The following PCDHGA8 variants were observed in gnomAD, a reference collection of about 807,000 sequenced individuals.
The protein encoded by PCDHGA8 is protocadherin gamma-A8.
In PCDHGA8, 45 loss-of-function variants were observed where a neutral mutation model predicts 59.2. The observed-to-expected ratio is 0.76, with a 90% confidence interval of 0.60 to 0.98. The LOEUF (loss-of-function observed/expected upper bound fraction) is 0.98. PCDHGA8 is among the 50% of genes least tolerant of loss of function. The probability of loss-of-function intolerance (pLI) is 0.00; values close to 1 mark genes in which losing one functional copy is unlikely to be tolerated. For synonymous variants in PCDHGA8, 531 were observed against 519.0 expected, an observed-to-expected ratio of 1.02 and a Z score of -0.32; for missense variants, 1,257 against 1,196.2, an observed-to-expected ratio of 1.05 and a Z score of -0.75.
intron 2 of PCDHGA8, among the ~76,000 whole-genome samples, chr5:141,496,748 C>T (rs1382244657): frequency 6.6e-6 from 1 of 152,130 alleles, no homozygotes; most frequent in African/African-American, 2.4e-5. Flanking sequence ...ATTTATTCAA[C>T]AAATATTTAT....
chr5:141,427,428 T>A (rs1489623330), intron 1 of PCDHGA8: 1 of 470,472 alleles, frequency 2.1e-6, no homozygotes. Context: ...GGAGGTTACA[T>A]GCCTCATAAA....
chr5:141,450,450 C>T (rs964666176), intron 1 of PCDHGA8, among the ~76,000 whole-genome samples: 5 of 151,996 alleles, frequency 3.3e-5, no homozygotes, highest in African/African-American at 9.7e-5. Context: ...TTTTATGTTT[C>T]CTCGTGATTT....
At chr5:141,441,527 A>G (rs2098252922) in intron 1 of PCDHGA8, 2 of 173,076 alleles carry the variant, frequency 1.2e-5, no homozygotes, top group African/African-American at 2.4e-5. Flanking sequence ...GTGGCCAAGA[A>G]CAATCTTCCC....
rs1457765340 is a variant in PCDHGA8 at position 141,491,122 on chromosome 5, G to GT, written c.2425-3684dup. 1 of 1,614,058 alleles carries GT rather than the reference G, an allele frequency of 6.2e-7. No homozygotes were observed. Among genetic ancestry groups the GT allele is most frequent in the Non-Finnish European group, 8.5e-7 (1 of 1,180,036 alleles). Reference sequence around the variant, plus strand: ...CCTCGTGTCTACACACACTGGTGAGGTGCGCACAGCCCGGGCCTTACTGGA... The same window carrying GT: ...CCTCGTGTCTACACACACTGGTGAGGTTGCGCACAGCCCGGGCCTTACTGGA... On this transcript the variant is annotated intron_variant, in intron 1 of 3. Coordinates refer to ENST00000398604, the MANE Select transcript of PCDHGA8 (RefSeq NM_032088.2). The surrounding 1 kb of genome is among the most constrained non-coding windows in gnomAD (Gnocchi z 6.9).
intron 1 of PCDHGA8, chr5:141,418,453 G>T (rs2096259626): frequency 1.2e-6 from 2 of 1,614,060 alleles, no homozygotes; most frequent in East Asian, 4.5e-5. Flanking sequence ...TATTGCAGAA[G>T]ACTCTGGACC....
chr5:141,430,725 G>A (rs1436128094), intron 1 of PCDHGA8: 4 of 1,497,276 alleles, frequency 2.7e-6, no homozygotes, highest in Admixed American at 2.4e-5. Flanking sequence ...AGTGGTTAAG[G>A]GCAGAATTGA....
chr5:141,399,750 C>A, intron 1 of PCDHGA8: 1 of 1,613,330 alleles, frequency 6.2e-7, no homozygotes, highest in Non-Finnish European at 8.5e-7. Flanking sequence ...TCAGCGCAAA[C>A]GTGAGCCTGC....
At position 141,489,090 on chromosome 5, in the gene PCDHGA8, C is replaced by A; in HGVS notation, c.2425-5717C>A. On this transcript the variant is annotated intron_variant, in intron 1 of 3. Transcript: ENST00000398604. The surrounding 1 kb of genome is among the most constrained non-coding windows in gnomAD (Gnocchi z 4.5). Reference sequence around the variant, plus strand: ...CCTGCCCACCCCCGCCACTCGGTGACTAAGAACTGCTGCAAGCAGGCAAAC... The same window carrying A: ...CCTGCCCACCCCCGCCACTCGGTGAATAAGAACTGCTGCAAGCAGGCAAAC... The A allele has an allele frequency of 1.5e-5, 5 of 328,802 alleles. No individual in the cohort carries two copies. The highest frequency in any genetic ancestry group is 4.8e-5 in the East Asian group (1 of 20,928). 20.4% of individuals were successfully genotyped at this position (328,802 alleles called of 1,614,324 possible).
intron 1 of PCDHGA8, among the ~76,000 whole-genome samples, chr5:141,435,412 T>C (rs2097761991): frequency 6.6e-6 from 1 of 152,222 alleles, no homozygotes; most frequent in Non-Finnish European, 1.5e-5. Flanking sequence ...TGGTAAAGAC[T>C]ATTTTTCACT....
rs2150578020 is a variant in PCDHGA8, at chr5:141,394,639, T to C, written c.1826T>C (p.Leu609Pro). ...GQNAWLSYRL[L>P]KASEPGLFSV... ...AACGCCTGGCTGTCCTACCGCCTGC[T>C]CAAGGCCAGCGAGCCGGGACTCTTC... The change falls in exon 1 of 4, where the codon CTC becomes CCC. Residue 609 changes from leucine to proline, a missense_variant. Physicochemically the swap from Leu to Pro is moderately conservative, Grantham distance 98. Transcript: ENST00000398604. 1.2e-6 allele frequency: 2 copies of C among 1,611,968 alleles called. No individual in the cohort carries two copies. Among genetic ancestry groups the C allele is most frequent in the Middle Eastern group, 1.7e-4 (1 of 5,958 alleles).
rs568314069 is a variant in PCDHGA8 at position 141,486,371 on chromosome 5, G to C, written c.2425-8436G>C. 53 of 1,614,138 alleles carry C rather than the reference G, an allele frequency of 3.3e-5. 2 individuals are homozygous for C. The South Asian group carries it at 5.3e-4, about 16-fold the overall frequency. Reference sequence around the variant, plus strand: ...CCACTTGCCATTTGCCCTCAAGTCTGCCTTCAGGAACCAGTTCTCCCTGGT... The same window carrying C: ...CCACTTGCCATTTGCCCTCAAGTCTCCCTTCAGGAACCAGTTCTCCCTGGT... On this transcript the variant is annotated intron_variant, in intron 1 of 3. Transcript: ENST00000398604. The surrounding 1 kb of genome is among the most constrained non-coding windows in gnomAD (Gnocchi z 5.0).
Position 141,432,108 on chromosome 5 carries a change from C to G in PCDHGA8, c.2424+36871C>G. ...GTGGCAGACACCAACGACAACCCGC[C>G]GGTCTTCCCTCAGGCCTCCTATTCC... On this transcript the variant is annotated intron_variant, in intron 1 of 3. Coordinates refer to ENST00000398604, the MANE Select transcript of PCDHGA8 (RefSeq NM_032088.2). The surrounding 1 kb of genome is among the most constrained non-coding windows in gnomAD (Gnocchi z 6.0). 4 of 1,614,180 alleles carry G rather than the reference C, an allele frequency of 2.5e-6. No homozygotes were observed. The highest frequency in any genetic ancestry group is 3.4e-6 in the Non-Finnish European group (4 of 1,180,046).
chr5:141,502,246 T>A (rs1449536622), intron 2 of PCDHGA8, among the ~76,000 whole-genome samples: 1 of 152,206 alleles, frequency 6.6e-6, no homozygotes, highest in African/African-American at 2.4e-5. Flanking sequence ...TTTATCCTTT[T>A]TTTTAATCCA....
rs2099750805 is a variant in PCDHGA8, at chr5:141,493,915, T to C, written c.2425-892T>C. ...TGCTCCATGAGAGTGTGTGATGGGA[T>C]AACACACCCCCTGGAAAGACCAGAA... On this transcript the variant is annotated intron_variant, in intron 1 of 3. Transcript: ENST00000398604. This position sits in a 1 kb window ranked among gnomAD's most constrained non-coding sequence, Gnocchi z 4.3. Among the ~76,000 whole-genome samples, 1 of 152,024 alleles carries C rather than the reference T, an allele frequency of 6.6e-6. No homozygotes were observed. Among genetic ancestry groups the C allele is most frequent in the African/African-American group, 2.4e-5 (1 of 41,386 alleles).
chr5:141,427,319 G>T (rs1184530487), intron 1 of PCDHGA8: 4 of 456,958 alleles, frequency 8.8e-6, no homozygotes, highest in African/African-American at 8.0e-5. Flanking sequence ...CCCCAGACGT[G>T]GTTTTTACTT....
chr5:141,490,374 C>T lies in PCDHGA8; in HGVS notation c.2425-4433C>T, dbSNP rs1452417604. 1.2e-6 allele frequency: 2 copies of T among 1,614,082 alleles called. No homozygotes were observed. Among genetic ancestry groups the T allele is most frequent in the Middle Eastern group, 1.6e-4 (1 of 6,084 alleles). ...GGTTGTTTAATGTGCGAGACCGGGA[C>T]TCAGGTAGAAATGGTGAAGTGAGCC... On this transcript the variant is annotated intron_variant, in intron 1 of 3. Coordinates refer to ENST00000398604, the MANE Select transcript of PCDHGA8 (RefSeq NM_032088.2). This position sits in a 1 kb window ranked among gnomAD's most constrained non-coding sequence, Gnocchi z 5.4.
chr5:141,413,671 G>A (rs2095665360), intron 1 of PCDHGA8: 13 of 1,613,878 alleles, frequency 8.1e-6, no homozygotes, highest in Non-Finnish European at 9.3e-6. Flanking sequence ...TGATCCGGAT[G>A]TGGGCGTGAA....
chr5:141,394,054 AT>A lies in PCDHGA8; in HGVS notation c.1242del (p.Asn414LysfsTer9). On this transcript the variant is annotated frameshift_variant, in exon 1 of 4. Transcript: ENST00000398604. LOFTEE classifies it high-confidence loss of function. ...ACAAGGAAATATTTGGACCGAGAAA[AT>A]GTCTCTATCTACAATATCACAGTGA... is the stretch of plus-strand genomic sequence containing the variant. ...LVTRKYLDRE[N>X]VSIYNITVMA... 1 of 1,613,802 alleles carries A rather than the reference AT, an allele frequency of 6.2e-7. No individual in the cohort carries two copies. Among genetic ancestry groups the A allele is most frequent in the Non-Finnish European group, 8.5e-7 (1 of 1,179,786 alleles).
In PCDHGA8 at chr5:141,475,486, T is replaced by C. The variant is rs576743657; in HGVS notation, c.2425-19321T>C. Among the ~76,000 whole-genome samples, 14 of 152,370 alleles carry C rather than the reference T, an allele frequency of 9.2e-5. No homozygotes were observed. In the East Asian group the frequency reaches 2.7e-3, roughly 29 times the overall value. On this transcript the variant is annotated intron_variant, in intron 1 of 3. Transcript: ENST00000398604. ...AATGCTAATTTCATTTGGTAAGAGA[T>C]AAAACTGAAATTATTAATGTCTCCA...
Sources: gnomAD v4.1 joint callset for allele counts (sites outside exome capture counted in the v4.1 genomes callset) on GRCh38, gnomAD v4.1.1 for gene constraint, Gnocchi (gnomAD v3.1) non-coding constraint, MANE v1.5 for transcripts, NCBI Gene and HGNC (gene_info 2026-07-23, HGNC 2026-07-21) for gene names.